The following SMURF2 variants were observed in gnomAD, a reference collection of about 807,000 sequenced individuals.
The protein encoded by SMURF2 is E3 ubiquitin-protein ligase SMURF2.
Under a neutral mutation model 109.6 loss-of-function variants are expected in SMURF2, and 48 were observed. The ratio of observed to expected loss-of-function variants is 0.44; its 90% CI spans 0.35 to 0.56. The LOEUF (loss-of-function observed/expected upper bound fraction) is 0.56. SMURF2 is among the 20% of genes least tolerant of loss of function. The pLI is 0.01. For missense variants in SMURF2, 575 were observed against 909.0 expected (o/e 0.63, Z 4.72); for synonymous variants, 288 against 317.1 (o/e 0.91, Z 0.97).
chr17:64,619,478 C>CAA (rs552413988), intron 1 of SMURF2, among the ~76,000 whole-genome samples: 366 of 34,282 alleles, frequency 0.011, 1 homozygote, highest in African/African-American at 0.022. Flanking sequence ...ACTCTTGTCT[C>CAA]AAAAAAAAAA....
chr17:64,601,151 G>A (rs1208674380), intron 2 of SMURF2, among the ~76,000 whole-genome samples: 2 of 152,038 alleles, frequency 1.3e-5, no homozygotes, highest in Non-Finnish European at 2.9e-5. Context: ...AGCTACTCAG[G>A]AGGCTAAAAT....
intron 1 of SMURF2, among the ~76,000 whole-genome samples, chr17:64,655,851 C>T (rs1270230380): frequency 3.9e-5 from 6 of 152,094 alleles, no homozygotes; most frequent in Non-Finnish European, 8.8e-5. Context: ...GCCAAGATCA[C>T]GCCACTGTAC....
intron 6 of SMURF2, 42 bp downstream of exon 6, chr17:64,586,044 T>C (rs782468800): frequency 7.6e-7 from 1 of 1,308,504 alleles, no homozygotes; most frequent in Non-Finnish European, 1.1e-6. Context: ...TTAAGGATAT[T>C]ATCTATATAT....
At chr17:64,640,927 A>AG (rs1970485375) in intron 1 of SMURF2, among the ~76,000 whole-genome samples, 1 of 151,760 alleles carries the variant, frequency 6.6e-6, no homozygotes, top group East Asian at 1.9e-4. Context: ...CAAAAAAAAA[A>AG]AAAGAAAAAA....
chr17:64,638,070 T>C (rs1326287833), intron 1 of SMURF2, among the ~76,000 whole-genome samples: 15 of 140,224 alleles, frequency 1.1e-4, no homozygotes, highest in South Asian at 2.3e-4. Context: ...TTCTTTTTTT[T>C]TTTTTTTTTT....
At chr17:64,548,420 CT>C (rs1264360555) in intron 16 of SMURF2, among the ~76,000 whole-genome samples, 1 of 151,960 alleles carries the variant, frequency 6.6e-6, no homozygotes, top group Non-Finnish European at 1.5e-5. Context: ...CAGAATTTTG[CT>C]CTGTCTCCTA....
intron 2 of SMURF2, among the ~76,000 whole-genome samples, chr17:64,599,104 C>T (rs1381407932): frequency 2.6e-5 from 4 of 152,156 alleles, no homozygotes; most frequent in East Asian, 3.8e-4. Flanking sequence ...CTGATTGTAA[C>T]GCAAACACTT....
At chr17:64,605,744 A>AATAT (rs71158333) in intron 2 of SMURF2, among the ~76,000 whole-genome samples, 11,298 of 98,698 alleles carry the variant, frequency 0.11, 741 homozygotes, top group African/African-American at 0.12. Flanking sequence ...CTCTAAAAAG[A>AATAT]ATATATATAT....
intron 8 of SMURF2, among the ~76,000 whole-genome samples, chr17:64,580,165 TATACA>T (rs1555686419): frequency 6.6e-6 from 1 of 152,220 alleles, no homozygotes; most frequent in Non-Finnish European, 1.5e-5. Flanking sequence ...GTTCAGACTA[TATACA>T]AGGATTCACA....
chr17:64,612,615 A>T (rs1970060685), intron 1 of SMURF2, among the ~76,000 whole-genome samples: 1 of 152,166 alleles, frequency 6.6e-6, no homozygotes, highest in Admixed American at 6.5e-5. Context: ...CAGAGGTTGC[A>T]GTTAGCTGAG....
intron 1 of SMURF2, among the ~76,000 whole-genome samples, chr17:64,650,788 C>T (rs1363955358): frequency 1.3e-5 from 2 of 151,754 alleles, no homozygotes; most frequent in Admixed American, 6.6e-5. Context: ...GGAGATCGTG[C>T]CTGGGCAATA....
In SMURF2 at chr17:64,599,649, A is replaced by T. The variant is rs370962904; in HGVS notation, c.92-1159T>A. Among the ~76,000 whole-genome samples, 21 of 152,310 alleles carry T rather than the reference A, an allele frequency of 1.4e-4. No homozygotes were observed. In the East Asian group the frequency reaches 3.3e-3, roughly 24 times the overall value. Reference sequence around the variant, plus strand: ...TCATAGGAGCTGGAACCCTATGGTGAACTGCGCTTGCAAGGGATCTAGGTT... The same window carrying T: ...TCATAGGAGCTGGAACCCTATGGTGTACTGCGCTTGCAAGGGATCTAGGTT... On this transcript the variant is annotated intron_variant, in intron 2 of 18. Coordinates refer to ENST00000262435, the MANE Select transcript of SMURF2 (RefSeq NM_022739.4).
chr17:64,601,927 G>GTA (rs138081903), intron 2 of SMURF2, among the ~76,000 whole-genome samples: 1,507 of 145,728 alleles, frequency 0.01, 31 homozygotes, highest in African/African-American at 0.033. Context: ...ATATGTGTGT[G>GTA]TATATATATA....
At chr17:64,628,081 A>AGC (rs1555691310) in intron 1 of SMURF2, among the ~76,000 whole-genome samples, 1 of 152,220 alleles carries the variant, frequency 6.6e-6, no homozygotes, top group South Asian at 2.1e-4. Context: ...GAACATAGTA[A>AGC]GCCCTGGTTT....
chr17:64,657,160 G>A (rs1970715917), intron 1 of SMURF2, among the ~76,000 whole-genome samples: 2 of 152,178 alleles, frequency 1.3e-5, no homozygotes, highest in African/African-American at 4.8e-5. Context: ...GCCTACCAGT[G>A]GGTTAGGTCT....
chr17:64,593,312 T>C (rs2144656000), intron 4 of SMURF2, 128 bp downstream of exon 4: 1 of 709,426 alleles, frequency 1.4e-6, no homozygotes, highest in Non-Finnish European at 1.9e-6. Flanking sequence ...TACTCAAATA[T>C]ATATATTATT....
rs551979781 is a variant in SMURF2 at position 64,566,603 on chromosome 17, G to A, written c.1017-3637C>T. On this transcript the variant is annotated intron_variant, in intron 10 of 18. Transcript: ENST00000262435. ...TTTTTTTTTTTTTTGAGACAGTCTC[G>A]CTGTGTTGCCCAGGCTGGAGTGCAG... Among the ~76,000 whole-genome samples the A allele has an allele frequency of 2.5e-4, 12 of 47,146 alleles. No homozygotes were observed. The South Asian group carries it at 5.3e-3, about 21-fold the overall frequency. 30.9% of individuals were successfully genotyped at this position (47,146 alleles called of 152,430 possible).
chr17:64,591,905 G>A (rs1969756462), intron 4 of SMURF2, among the ~76,000 whole-genome samples: 1 of 152,052 alleles, frequency 6.6e-6, no homozygotes, highest in Admixed American at 6.6e-5. Context: ...ATAAATATTT[G>A]ATAAATTCAA....
At chr17:64,587,610 T>C (rs781959363) in intron 5 of SMURF2, among the ~76,000 whole-genome samples, 39 of 152,282 alleles carry the variant, frequency 2.6e-4, no homozygotes, top group Admixed American at 1.5e-3. Flanking sequence ...CTAAGGACCC[T>C]TCATTCAAAG....
Sources: gnomAD v4.1 joint callset for allele counts (sites outside exome capture counted in the v4.1 genomes callset) on GRCh38, gnomAD v4.1.1 for gene constraint, MANE v1.5 for transcripts, NCBI Gene and HGNC (gene_info 2026-07-23, HGNC 2026-07-21) for gene names.